Variants in GBE1 observed in about 807,000 individuals in gnomAD.
The protein encoded by GBE1 is 1,4-alpha-glucan-branching enzyme.
In GBE1, 70 loss-of-function variants were observed where a neutral mutation model predicts 88.8. The ratio of observed to expected loss-of-function variants is 0.79; its 90% confidence interval spans 0.65 to 0.96. GBE1 has a LOEUF of 0.96. Ranked by LOEUF, GBE1 falls within the 40% of genes least tolerant of loss-of-function variation. The probability of loss-of-function intolerance (pLI) is 0.00; values close to 1 mark genes in which losing one functional copy is unlikely to be tolerated. For synonymous variants in GBE1, 284 were observed against 300.1 expected, an observed-to-expected ratio of 0.95 and a Z score of 0.56; for missense variants, 872 against 871.0, an observed-to-expected ratio of 1.00 and a Z score of -0.01.
chr3:81,538,754 A>G (rs1265262944), intron 12 of GBE1, among the ~76,000 whole-genome samples: 1 of 152,060 alleles, frequency 6.6e-6, no homozygotes, highest in African/African-American at 2.4e-5. Flanking sequence ...CCACATACCA[A>G]TCCAAGGACT....
intron 14 of GBE1, among the ~76,000 whole-genome samples, chr3:81,531,952 G>A (rs1202977950): frequency 6.6e-6 from 1 of 151,944 alleles, no homozygotes; most frequent in Non-Finnish European, 1.5e-5. Flanking sequence ...CTCTTTGCGG[G>A]TGCTGGCTGA....
rs536618220 is a variant in GBE1, at chr3:81,550,309, C to T, written c.1619-13214G>A. ...ACTCAATAGTTACGAATGGCTATCA[C>T]CATACCAATGCTTTCTGACTGAGCT... On this transcript the variant is annotated intron_variant, in intron 12 of 15. Coordinates refer to ENST00000429644, the MANE Select transcript of GBE1 (RefSeq NM_000158.4). Among the ~76,000 whole-genome samples, 19 of 151,374 alleles carry T rather than the reference C, an allele frequency of 1.3e-4. 1 individual carries two copies. The East Asian group carries it at 3.7e-3, about 29-fold the overall frequency.
At chr3:81,639,954 T>C (rs9883954) in intron 7 of GBE1, among the ~76,000 whole-genome samples, 22,269 of 152,154 alleles carry the variant, frequency 0.15, 1,741 homozygotes, top group Non-Finnish European at 0.19. Context: ...AATTGTGAGT[T>C]TGGGAACAAA....
chr3:81,561,792 T>A (rs148131150), intron 12 of GBE1, among the ~76,000 whole-genome samples: 1 of 152,044 alleles, frequency 6.6e-6, no homozygotes, highest in African/African-American at 2.4e-5. Flanking sequence ...GCCTTCTCTC[T>A]CATCATTCAT....
At chr3:81,732,814 G>T (rs1223415586) in intron 1 of GBE1, among the ~76,000 whole-genome samples, 1 of 152,106 alleles carries the variant, frequency 6.6e-6, no homozygotes, top group Non-Finnish European at 1.5e-5. Context: ...ACGCTTCAGT[G>T]GCTCCCCATG....
chr3:81,702,118 T>TAAA (rs1705701927), intron 2 of GBE1, among the ~76,000 whole-genome samples: 2 of 122,810 alleles, frequency 1.6e-5, no homozygotes, highest in Non-Finnish European at 3.3e-5. Context: ...TGTGTGTGTG[T>TAAA]GTGTGTGTGT....
chr3:81,578,317 A>ATTTT (rs1159539014), intron 11 of GBE1, among the ~76,000 whole-genome samples: 4 of 152,040 alleles, frequency 2.6e-5, no homozygotes, highest in Non-Finnish European at 4.4e-5. Context: ...GACTGGACTG[A>ATTTT]TTTTTATTTT....
At chr3:81,682,811 T>A (rs966167495) in intron 2 of GBE1, among the ~76,000 whole-genome samples, 1 of 152,212 alleles carries the variant, frequency 6.6e-6, no homozygotes, top group Non-Finnish European at 1.5e-5. Flanking sequence ...ATGTTCATAG[T>A]AGAATTACTC....
chr3:81,595,309 G>C (rs1003689867), intron 7 of GBE1, among the ~76,000 whole-genome samples: 3 of 151,696 alleles, frequency 2.0e-5, no homozygotes, highest in Admixed American at 6.6e-5. Context: ...GAAACAAGGA[G>C]ATATAATAGA....
chr3:81,582,098 A>G (rs1200666286), intron 10 of GBE1, among the ~76,000 whole-genome samples: 3 of 152,094 alleles, frequency 2.0e-5, no homozygotes, highest in Non-Finnish European at 4.4e-5. Flanking sequence ...GGTGTTCCTC[A>G]GGATTATGTC....
chr3:81,693,493 T>G (rs1337858988), intron 2 of GBE1, among the ~76,000 whole-genome samples: 1 of 152,122 alleles, frequency 6.6e-6, no homozygotes, highest in Non-Finnish European at 1.5e-5. Flanking sequence ...GCTCAGGCAA[T>G]GACTGCTGGT....
chr3:81,726,573 T>C lies in GBE1; in HGVS notation c.144-20960A>G, dbSNP rs190774313. Among the ~76,000 whole-genome samples the C allele has an allele frequency of 2.1e-3, 312 of 151,462 alleles. 2 individuals carry two copies. The highest frequency in any genetic ancestry group is 7.1e-3 in the African/African-American group (293 of 41,176). ...AGTTTTTATTTAAATATGGCATCTT[T>C]GATATTGCAGACTTTTTTTTTTTTT... On this transcript the variant is annotated intron_variant, in intron 1 of 15. Coordinates refer to ENST00000429644, the MANE Select transcript of GBE1 (RefSeq NM_000158.4).
chr3:81,736,118 C>G (rs1487235363), intron 1 of GBE1, among the ~76,000 whole-genome samples: 1 of 152,130 alleles, frequency 6.6e-6, no homozygotes, highest in Non-Finnish European at 1.5e-5. Flanking sequence ...AGTAAGATTT[C>G]CCAGCTGAGA....
chr3:81,752,403 C>A (rs1706543073), intron 1 of GBE1, among the ~76,000 whole-genome samples: 1 of 152,158 alleles, frequency 6.6e-6, no homozygotes, highest in Non-Finnish European at 1.5e-5. Flanking sequence ...ATTCCTCTAA[C>A]CATCTACAGT....
At chr3:81,567,407 A>G (rs1703508291) in intron 12 of GBE1, among the ~76,000 whole-genome samples, 1 of 152,194 alleles carries the variant, frequency 6.6e-6, no homozygotes, top group Admixed American at 6.5e-5. Context: ...CATTAGTATC[A>G]TGGCTCTAGC....
chr3:81,620,907 T>C (rs1406345957), intron 7 of GBE1, among the ~76,000 whole-genome samples: 4 of 152,048 alleles, frequency 2.6e-5, no homozygotes, highest in Non-Finnish European at 5.9e-5. Flanking sequence ...AGGAAGTGCA[T>C]TCCAAATGAA....
intron 1 of GBE1, among the ~76,000 whole-genome samples, chr3:81,717,123 T>A (rs1426014441): frequency 2.0e-5 from 3 of 152,234 alleles, no homozygotes; most frequent in African/African-American, 7.2e-5. Flanking sequence ...CTGTAACTGT[T>A]CAACTGACCT....
At chr3:81,585,705 C>G (rs1255595755) in intron 10 of GBE1, among the ~76,000 whole-genome samples, 1 of 152,048 alleles carries the variant, frequency 6.6e-6, no homozygotes. Context: ...TACTATTAAG[C>G]AAGTACTGGG....
chr3:81,568,154 A>ATT (rs796209679), intron 12 of GBE1, among the ~76,000 whole-genome samples: 34 of 148,494 alleles, frequency 2.3e-4, no homozygotes, highest in African/African-American at 7.1e-4. Flanking sequence ...TGGATTCTCA[A>ATT]TTTTTTTTTT....
Sources: gnomAD v4.1 joint callset for allele counts (sites outside exome capture counted in the v4.1 genomes callset) on GRCh38, gnomAD v4.1.1 for gene constraint, MANE v1.5 for transcripts, NCBI Gene and HGNC (gene_info 2026-07-23, HGNC 2026-07-21) for gene names.